Variants in CNTNAP2 observed in about 807,000 individuals in gnomAD.
CNTNAP2 encodes contactin associated protein 2, also known as contactin-associated protein-like 2.
Under a neutral mutation model 155.2 loss-of-function variants are expected in CNTNAP2, and 98 were observed. The ratio of observed to expected loss-of-function variants is 0.63; its 90% CI spans 0.54 to 0.75. The LOEUF is 0.75. CNTNAP2 is among the 30% of genes least tolerant of loss of function. CNTNAP2 has a pLI of 0.00. For synonymous variants in CNTNAP2, 651 were observed against 631.2 expected, an observed-to-expected ratio of 1.03 and a Z score of -0.47; for missense variants, 1,727 against 1,688.1, an observed-to-expected ratio of 1.02 and a Z score of -0.40.
chr7:147,131,644 CTAAAA>C (rs1801374611), intron 7 of CNTNAP2, among the ~76,000 whole-genome samples: 1 of 151,848 alleles, frequency 6.6e-6, no homozygotes, highest in South Asian at 2.1e-4. Context: ...GAGTTGGATA[CTAAAA>C]TAATCTCCAA....
At chr7:146,131,440 T>C (rs542704159) in intron 1 of CNTNAP2, among the ~76,000 whole-genome samples, 1 of 152,328 alleles carries the variant, frequency 6.6e-6, no homozygotes, top group South Asian at 2.1e-4. Context: ...TAGAGAGGTA[T>C]GCATTTATAA....
intron 15 of CNTNAP2, among the ~76,000 whole-genome samples, chr7:148,052,512 C>T (rs1049638608): frequency 6.6e-6 from 1 of 152,074 alleles, no homozygotes; most frequent in Non-Finnish European, 1.5e-5. Flanking sequence ...TTTTGACAAG[C>T]AATTTTGCAA....
chr7:147,730,514 C>T (rs1352100650), intron 13 of CNTNAP2, among the ~76,000 whole-genome samples: 2 of 152,028 alleles, frequency 1.3e-5, no homozygotes, highest in Non-Finnish European at 2.9e-5. Context: ...ACCATGAACT[C>T]TGCCCGTACA....
At chr7:148,184,039 A>G (rs1795079567) in intron 18 of CNTNAP2, among the ~76,000 whole-genome samples, 1 of 151,936 alleles carries the variant, frequency 6.6e-6, no homozygotes, top group Non-Finnish European at 1.5e-5. Flanking sequence ...CCTTACTCCC[A>G]CCTCCAGATA....
chr7:147,500,075 C>G (rs1262042094), intron 11 of CNTNAP2, among the ~76,000 whole-genome samples: 1 of 147,114 alleles, frequency 6.8e-6, no homozygotes, highest in East Asian at 2.0e-4. Context: ...CCATGTAAAA[C>G]CAGAGCAAGA....
chr7:147,725,905 TCTGA>T (rs1461328892), intron 13 of CNTNAP2, among the ~76,000 whole-genome samples: 3 of 152,060 alleles, frequency 2.0e-5, no homozygotes, highest in African/African-American at 7.2e-5. Context: ...TTTTTCAGTT[TCTGA>T]CTGTGTGAAA....
intron 10 of CNTNAP2, among the ~76,000 whole-genome samples, chr7:147,479,027 C>A (rs890216543): frequency 1.3e-5 from 2 of 152,178 alleles, no homozygotes; most frequent in Non-Finnish European, 2.9e-5. Context: ...GTGGCATGGG[C>A]ATCCACAACT....
intron 1 of CNTNAP2, among the ~76,000 whole-genome samples, chr7:146,283,386 T>A (rs1226947011): frequency 6.6e-6 from 1 of 152,136 alleles, no homozygotes; most frequent in Admixed American, 6.5e-5. Context: ...TTTTGTTTTT[T>A]TAACAAGGTC....
chr7:148,101,032 T>A (rs10238222), intron 15 of CNTNAP2, among the ~76,000 whole-genome samples: 15,210 of 147,080 alleles, frequency 0.1, 2,061 homozygotes, highest in African/African-American at 0.32. Context: ...TTGCAAGGAC[T>A]AAAAACCAAA....
chr7:147,926,422 C>T (rs1378962254), intron 14 of CNTNAP2, among the ~76,000 whole-genome samples: 3 of 152,186 alleles, frequency 2.0e-5, no homozygotes, highest in Non-Finnish European at 4.4e-5. Context: ...TTCTATAAAA[C>T]TGTCAAAGTT....
At chr7:148,193,550 G>A (rs1480724498) in intron 18 of CNTNAP2, among the ~76,000 whole-genome samples, 1 of 152,130 alleles carries the variant, frequency 6.6e-6, no homozygotes, top group African/African-American at 2.4e-5. Flanking sequence ...AAGTCATAAT[G>A]TGGCCCTGAT....
At chr7:146,959,833 T>A (rs1797520294) in intron 3 of CNTNAP2, among the ~76,000 whole-genome samples, 1 of 151,612 alleles carries the variant, frequency 6.6e-6, no homozygotes, top group South Asian at 2.1e-4. Context: ...AAGGATAAGG[T>A]CAAATGCACA....
chr7:146,527,520 AT>A, intron 1 of CNTNAP2, among the ~76,000 whole-genome samples: 1 of 149,508 alleles, frequency 6.7e-6, no homozygotes, highest in African/African-American at 2.6e-5. Context: ...CTTTACACAG[AT>A]GGTATTTGTA....
chr7:146,473,585 G>A (rs1796831160), intron 1 of CNTNAP2, among the ~76,000 whole-genome samples: 1 of 151,944 alleles, frequency 6.6e-6, no homozygotes, highest in Non-Finnish European at 1.5e-5. Context: ...GGATATTGTG[G>A]TTTACTGAAG....
chr7:147,668,277 G>T (rs1353743992), intron 13 of CNTNAP2, among the ~76,000 whole-genome samples: 1 of 152,208 alleles, frequency 6.6e-6, no homozygotes, highest in African/African-American at 2.4e-5. Flanking sequence ...AAACTGAATG[G>T]TTCGTTCATA....
At chr7:146,645,743 T>C (rs911753276) in intron 1 of CNTNAP2, among the ~76,000 whole-genome samples, 1 of 152,026 alleles carries the variant, frequency 6.6e-6, no homozygotes, top group African/African-American at 2.4e-5. Context: ...GTCAGATCTG[T>C]GGAGTCAGGT....
At chr7:147,223,888 C>A (rs189465539) in intron 8 of CNTNAP2, among the ~76,000 whole-genome samples, 2 of 149,716 alleles carry the variant, frequency 1.3e-5, no homozygotes, top group Admixed American at 6.7e-5. Context: ...TTGCAGTGAG[C>A]CAAGATCCAG....
intron 3 of CNTNAP2, among the ~76,000 whole-genome samples, chr7:146,863,942 C>T (rs1197563086): frequency 1.3e-5 from 2 of 152,012 alleles, no homozygotes; most frequent in African/African-American, 4.8e-5. Flanking sequence ...TCCTTTTCTG[C>T]CCTCTTTGCT....
intron 1 of CNTNAP2, among the ~76,000 whole-genome samples, chr7:146,238,568 T>C (rs890894782): frequency 9.9e-5 from 15 of 152,162 alleles, no homozygotes; most frequent in Admixed American, 2.6e-4. Flanking sequence ...AAGCAATTAT[T>C]AATATTTTCT....
Sources: gnomAD v4.1 joint callset for allele counts (sites outside exome capture counted in the v4.1 genomes callset) on GRCh38, gnomAD v4.1.1 for gene constraint, MANE v1.5 for transcripts, NCBI Gene and HGNC (gene_info 2026-07-23, HGNC 2026-07-21) for gene names.